Variants in KLK12 observed in about 807,000 individuals in gnomAD.
KLK12 encodes kallikrein-12.
A neutral mutation model predicts 20.0 loss-of-function variants in KLK12; 23 were observed. The observed-to-expected ratio is 1.15, with a 90% confidence interval of 0.83 to 1.63. The LOEUF (loss-of-function observed/expected upper bound fraction) is 1.63. Among genes scored for constraint, KLK12 ranks in the 40% most tolerant of loss-of-function variants. The probability of loss-of-function intolerance (pLI) is 0.00; values close to 1 mark genes in which losing one functional copy is unlikely to be tolerated. For missense variants in KLK12, 351 were observed against 338.6 expected, an observed-to-expected ratio of 1.04 and a Z score of -0.29; for synonymous variants, 147 against 141.9, an observed-to-expected ratio of 1.04 and a Z score of -0.25.
rs1363508796 is a variant in KLK12, at chr19:51,029,359, G to A, written c.690C>T (p.Val230=). 1 of 1,614,030 alleles carries A rather than the reference G, an allele frequency of 6.2e-7. No homozygotes were observed. The highest frequency in any genetic ancestry group is 1.6e-4 in the Middle Eastern group (1 of 6,062). ...CCACATACTTGCAAATATAGGTGTA[G>A]ACTCCAGGGATGCCATCTTGTCCAC... ...GPCGQDGIPG[V]YTYICKYVDW... Residue 230 remains valine, a synonymous_variant, in exon 6 of 6, where the codon GTC becomes GTT. Coordinates refer to ENST00000684732, the MANE Select transcript of KLK12 (RefSeq NM_001370125.1).
Position 51,034,975 on chromosome 19 carries a change from A to T in KLK12, c.-189T>A. On this transcript the variant is annotated 5_prime_UTR_variant, in exon 1 of 6. The change creates a new upstream start codon in the 5' untranslated region. Coordinates refer to ENST00000684732, the MANE Select transcript of KLK12 (RefSeq NM_001370125.1). ...CCTCAGCCACCTGTCATGTTGCTCA[A>T]CCGGTCCCTTTCCTTCCATCTGTCG... 1 of 1,181,152 alleles carries T rather than the reference A, an allele frequency of 8.5e-7. No homozygotes were observed. Among genetic ancestry groups the T allele is most frequent in the Non-Finnish European group, 1.1e-6 (1 of 946,346 alleles). The allele number at this position is 1,181,152 out of a possible 1,614,324, so 73.2% of individuals were successfully genotyped here. A position where few individuals can be genotyped will look rare whatever the true frequency, so the allele number is the denominator to read the frequency against.
chr19:51,029,226 T>C lies in KLK12; in HGVS notation c.*76A>G, dbSNP rs1290210081. ...ACAAGAGTGGAGCTAGGGGAAGTGA[T>C]GGAGGAGATATTGGTGCTCTGAGGG... On this transcript the variant is annotated 3_prime_UTR_variant, in exon 6 of 6. Coordinates refer to ENST00000684732, the MANE Select transcript of KLK12 (RefSeq NM_001370125.1). 3.7e-6 allele frequency: 6 copies of C among 1,612,838 alleles called. No homozygotes were observed. The highest frequency in any genetic ancestry group is 8.5e-7 in the Non-Finnish European group (1 of 1,179,842).
rs767606914 is a variant in KLK12 at position 51,034,030 on chromosome 19, A to AC, written c.146dup (p.Val50CysfsTer4). 4.0e-5 allele frequency: 64 copies of AC among 1,604,344 alleles called. No homozygotes were observed. Among genetic ancestry groups the AC allele is most frequent in the Non-Finnish European group, 5.1e-5 (60 of 1,175,804 alleles). ...GGACCCACCTGTGGTCAATAAGGACACCCCCGCAGCGCAGGCTGGTGCCCT... is the reference window on the plus strand; with the variant it reads ...GGACCCACCTGTGGTCAATAAGGACACCCCCCGCAGCGCAGGCTGGTGCCCT... On this transcript the variant is annotated frameshift_variant, in exon 3 of 6. Transcript: ENST00000684732. LOFTEE classifies it high-confidence loss of function.
chr19:51,029,168 C>A lies in KLK12; in HGVS notation c.*134G>T. The A allele has an allele frequency of 6.2e-7, 1 of 1,613,968 alleles. No homozygotes were observed. Among genetic ancestry groups the A allele is most frequent in the Non-Finnish European group, 8.5e-7 (1 of 1,180,020 alleles). On this transcript the variant is annotated 3_prime_UTR_variant, in exon 6 of 6. Transcript: ENST00000684732. ...CGCTCGTGGGTCTTAGAAGGGCTGG[C>A]AGGAGTTAAAGTTCCAAGAAGTTCC...
At position 51,029,255 on chromosome 19, in the gene KLK12, G is replaced by GA; in HGVS notation, c.*46dup. 6.2e-7 allele frequency: 1 copy of GA among 1,614,032 alleles called. No homozygotes were observed. The highest frequency in any genetic ancestry group is 1.3e-5 in the African/African-American group (1 of 75,000). On this transcript the variant is annotated 3_prime_UTR_variant, in exon 6 of 6. Transcript: ENST00000684732. The stretch of plus-strand genomic sequence containing the variant: ...GGAGATATTGGTGCTCTGAGGGCCA[G>GA]AGGGGTACCCAAGTTAAGGGGTGGG...
intron 4 of KLK12, 79 bp downstream of exon 4, chr19:51,031,797 T>G (rs1452785388): frequency 7.0e-7 from 1 of 1,425,240 alleles, no homozygotes; most frequent in Non-Finnish European, 9.8e-7. Context: ...TCCTCTGAGG[T>G]GTCATGATTC....
intron 3 of KLK12, among the ~76,000 whole-genome samples, chr19:51,033,339 G>A (rs950692581): frequency 1.3e-5 from 2 of 152,122 alleles, no homozygotes; most frequent in Admixed American, 6.6e-5. Context: ...ATGTTGGCCG[G>A]GTGCAGTGGC....
rs1203628785 is a variant in KLK12 at position 51,034,907 on chromosome 19, G to A, written c.-121C>T. 1.1e-5 allele frequency: 15 copies of A among 1,326,844 alleles called. No homozygotes were observed. The highest frequency in any genetic ancestry group is 1.6e-5 in the South Asian group (1 of 61,128). The allele number at this position is 1,326,844 out of a possible 1,614,324, so 82.2% of individuals were successfully genotyped here. A position where few individuals can be genotyped will look rare whatever the true frequency, so the allele number is the denominator to read the frequency against. ...CACCTACCTGCCTGTCTTCTCATGT[G>A]CTGGCCACTCCGCCAGCCAACTCTA... On this transcript the variant is annotated 5_prime_UTR_variant, in exon 1 of 6. Transcript: ENST00000684732.
Position 51,031,595 on chromosome 19 carries a change from C to CATACATACATATAT in KLK12, c.457+280_457+281insATATATGTATGTAT, listed in dbSNP as rs6146546. On this transcript the variant is annotated intron_variant, in intron 4 of 5. Coordinates refer to ENST00000684732, the MANE Select transcript of KLK12 (RefSeq NM_001370125.1). ...CCACAATGCCCATATCCTATACATACATATATATATATATATGCCTTTTGC... is the reference window on the plus strand; with the variant it reads ...CCACAATGCCCATATCCTATACATACATACATACATATATATATATATATATATATGCCTTTTGC... Among the ~76,000 whole-genome samples, 6 of 120,484 alleles carry CATACATACATATAT rather than the reference C, an allele frequency of 5.0e-5. No individual in the cohort carries two copies. In the South Asian group the frequency reaches 8.4e-4, roughly 17 times the overall value. 79.0% of individuals were successfully genotyped at this position (120,484 alleles called of 152,430 possible). A position where few individuals can be genotyped will look rare whatever the true frequency, so the allele number is the denominator to read the frequency against.
At chr19:51,034,208 T>C in intron 2 of KLK12, 69 bp from the exon 3 acceptor site, 1 of 1,482,364 alleles carries the variant, frequency 6.7e-7, no homozygotes, top group Non-Finnish European at 9.2e-7. Context: ...ACACACAGAG[T>C]GAGAGAGAGA....
chr19:51,034,498 T>C (rs1463466423), intron 2 of KLK12, 87 bp downstream of exon 2: 1 of 1,558,918 alleles, frequency 6.4e-7, no homozygotes, highest in African/African-American at 1.4e-5. Flanking sequence ...GGGCCAGAGC[T>C]GAGATGGGGA....
chr19:51,032,232 C>T, intron 3 of KLK12, 97 bp from the exon 4 acceptor site: 1 of 1,347,738 alleles, frequency 7.4e-7, no homozygotes, highest in Non-Finnish European at 1.0e-6. Context: ...CCCCACTGTT[C>T]TGCCCCTCAC....
intron 3 of KLK12, among the ~76,000 whole-genome samples, chr19:51,032,775 C>A (rs567396985): frequency 6.6e-6 from 1 of 152,152 alleles, no homozygotes; most frequent in Admixed American, 6.5e-5. Flanking sequence ...CCGCCTGGCA[C>A]GGAGCATGTG....
intron 2 of KLK12, 96 bp from the exon 3 acceptor site, chr19:51,034,235 A>T: frequency 7.3e-7 from 1 of 1,363,550 alleles, no homozygotes. Context: ...CAGGAGAGAG[A>T]GAGGAGAAAG....
rs1555789322 is a variant in KLK12 at position 51,031,595 on chromosome 19, C to CATATATAT, written c.457+273_457+280dup. Among the ~76,000 whole-genome samples, 25 of 120,476 alleles carry CATATATAT rather than the reference C, an allele frequency of 2.1e-4. 3 individuals are homozygous for CATATATAT. The highest frequency in any genetic ancestry group is 4.1e-4 in the African/African-American group (14 of 34,320). The allele number at this position is 120,476 out of a possible 152,430, so 79.0% of individuals were successfully genotyped here. On this transcript the variant is annotated intron_variant, in intron 4 of 5. Coordinates refer to ENST00000684732, the MANE Select transcript of KLK12 (RefSeq NM_001370125.1). ...CCACAATGCCCATATCCTATACATA[C>CATATATAT]ATATATATATATATATGCCTTTTGC...
In KLK12 at chr19:51,034,076, G is replaced by T. The variant is rs61742847; in HGVS notation, c.101C>A (p.Pro34Gln). The change falls in exon 3 of 6, where the codon CCG (proline) becomes CAG (glutamine). Residue 34 changes from proline (P) to glutamine (Q), a missense_variant. By Grantham distance (76) the Pro-to-Gln change is moderately conservative. Coordinates refer to ENST00000684732, the MANE Select transcript of KLK12 (RefSeq NM_001370125.1). The stretch of plus-strand genomic sequence containing the variant: ...GCCCTCAAACAGCCCCACCTGCCAC[G>T]GCTGTGAGTTACGCCCACACTCAGT... Reference protein sequence around the residue: ...NGTECGRNSQPWQVGLFEGTS... With the variant: ...NGTECGRNSQQWQVGLFEGTS... 5.1e-6 allele frequency: 8 copies of T among 1,576,598 alleles called. No homozygotes were observed. The highest frequency in any genetic ancestry group is 1.4e-5 in the African/African-American group (1 of 74,060).
intron 4 of KLK12, 65 bp from the exon 5 acceptor site, chr19:51,030,986 T>C: frequency 6.3e-7 from 1 of 1,596,382 alleles, no homozygotes; most frequent in Non-Finnish European, 8.6e-7. Flanking sequence ...CACGTCCCTC[T>C]TCCCTGGATG....
At position 51,032,058 on chromosome 19, in the gene KLK12, G is replaced by T; in HGVS notation, c.275C>A (p.Ser92Tyr). ...WTEQIRHSGF[S>Y]VTHPGYLGAS... ...TCCCAGGTAGCCGGGATGGGTCACA[G>T]AGAAGCCGCTGTGCCGGATCTGCTC... The change falls in exon 4 of 6, where the codon TCT becomes TAT. Residue 92 changes from serine to tyrosine, a missense_variant. Transcript: ENST00000684732. 6.2e-7 allele frequency: 1 copy of T among 1,604,526 alleles called. No homozygotes were observed.
At chr19:51,033,077 G>A (rs2091575764) in intron 3 of KLK12, among the ~76,000 whole-genome samples, 1 of 151,722 alleles carries the variant, frequency 6.6e-6, no homozygotes, top group Non-Finnish European at 1.5e-5. Flanking sequence ...TTAGCCAGGT[G>A]TGGTGGCGCA....
Sources: gnomAD v4.1 joint callset for allele counts (sites outside exome capture counted in the v4.1 genomes callset) on GRCh38, gnomAD v4.1.1 for gene constraint, MANE v1.5 for transcripts, NCBI Gene and HGNC (gene_info 2026-07-23, HGNC 2026-07-21) for gene names.